The following EXOC5 variants were observed in gnomAD, a reference collection of about 807,000 sequenced individuals.
The protein encoded by EXOC5 is exocyst complex component 5.
In EXOC5, 17 loss-of-function variants were observed where a neutral mutation model predicts 90.8. The observed-to-expected ratio is 0.19, with a 90% CI of 0.13 to 0.28. The LOEUF (loss-of-function observed/expected upper bound fraction) is 0.28. Among genes scored for constraint, EXOC5 ranks in the 10% least tolerant of loss-of-function variants. The pLI is 1.00. For synonymous variants in EXOC5, 260 were observed against 270.0 expected (o/e 0.96, Z 0.36); for missense variants, 569 against 830.6 (o/e 0.69, Z 3.87).
At chr14:57,268,338 C>T in intron 1 of EXOC5, 3 of 737,306 alleles carry the variant, frequency 4.1e-6, no homozygotes, top group East Asian at 3.1e-5. Flanking sequence ...ACCTTCCAGA[C>T]TTTCCCTCTT....
At chr14:57,258,698 T>A (rs1470656444) in intron 1 of EXOC5, among the ~76,000 whole-genome samples, 1 of 152,206 alleles carries the variant, frequency 6.6e-6, no homozygotes, top group Non-Finnish European at 1.5e-5. Context: ...ATGGTATTTG[T>A]GGTCATTTCT....
At chr14:57,258,115 T>C (rs944041992) in intron 1 of EXOC5, among the ~76,000 whole-genome samples, 1 of 152,204 alleles carries the variant, frequency 6.6e-6, no homozygotes, top group African/African-American at 2.4e-5. Context: ...AATATGATGT[T>C]TGTCATTGTG....
At chr14:57,231,252 G>C (rs928431634) in intron 11 of EXOC5, among the ~76,000 whole-genome samples, 1 of 151,982 alleles carries the variant, frequency 6.6e-6, no homozygotes, top group East Asian at 1.9e-4. Context: ...CAGGTGATCA[G>C]CCCATCTCGG....
intron 15 of EXOC5, among the ~76,000 whole-genome samples, chr14:57,217,077 G>A (rs1474755719): frequency 6.6e-6 from 1 of 152,196 alleles, no homozygotes; most frequent in Non-Finnish European, 1.5e-5. Flanking sequence ...ACACCCGTTA[G>A]GATGGCTCTT....
intron 17 of EXOC5, 148 bp downstream of exon 17, chr14:57,209,419 T>A: frequency 2.4e-6 from 1 of 413,144 alleles, no homozygotes; most frequent in Non-Finnish European, 4.3e-6. Flanking sequence ...GGAACAACAC[T>A]GTTTCAGGTA....
At chr14:57,261,934 C>T (rs716690) in intron 1 of EXOC5, among the ~76,000 whole-genome samples, 39,267 of 152,160 alleles carry the variant, frequency 0.26, 12,608 homozygotes, top group African/African-American at 0.76. Flanking sequence ...GAAGTGAACA[C>T]AGAACCTACT....
intron 1 of EXOC5, among the ~76,000 whole-genome samples, chr14:57,261,934 C>A (rs716690): frequency 1.3e-5 from 2 of 152,066 alleles, no homozygotes; most frequent in Non-Finnish European, 2.9e-5. Flanking sequence ...GAAGTGAACA[C>A]AGAACCTACT....
chr14:57,235,628 G>A, intron 7 of EXOC5, 83 bp downstream of exon 7: 2 of 689,786 alleles, frequency 2.9e-6, no homozygotes, highest in Non-Finnish European at 5.1e-6. Context: ...TAATGAATGG[G>A]GGAAATCAGA....
At chr14:57,244,133 G>A in intron 4 of EXOC5, 32 bp downstream of exon 4, 1 of 1,469,468 alleles carries the variant, frequency 6.8e-7, no homozygotes, top group East Asian at 2.3e-5. Flanking sequence ...TATTAATGCT[G>A]TGATTTGGTT....
At chr14:57,229,483 A>G (rs1883411265) in intron 12 of EXOC5, among the ~76,000 whole-genome samples, 1 of 152,156 alleles carries the variant, frequency 6.6e-6, no homozygotes, top group Non-Finnish European at 1.5e-5. Context: ...CCTAAACACT[A>G]AAGTTACAAC....
At chr14:57,225,721 GAC>G (rs1415984743) in intron 12 of EXOC5, among the ~76,000 whole-genome samples, 1 of 152,160 alleles carries the variant, frequency 6.6e-6, no homozygotes, top group Non-Finnish European at 1.5e-5. Flanking sequence ...ACATTCCTAT[GAC>G]ACAGTCTCAG....
intron 12 of EXOC5, among the ~76,000 whole-genome samples, chr14:57,226,212 T>A (rs1296011012): frequency 6.6e-6 from 1 of 152,164 alleles, no homozygotes; most frequent in African/African-American, 2.4e-5. Context: ...GGAATTCCTA[T>A]CTTACTTAGG....
rs1195269263 is a variant in EXOC5 at position 57,201,476 on chromosome 14, ACAC to A, written c.*7130_*7132del. The A allele has an allele frequency of 7.4e-6, 1 of 135,286 alleles. No homozygotes were observed. The highest frequency in any genetic ancestry group is 1.5e-5 in the Non-Finnish European group (1 of 66,560). 8.4% of individuals were successfully genotyped at this position (135,286 alleles called of 1,614,324 possible). ...TATACACACGCGTGTATATGTACAC[ACAC>A]GTGTATAAACACACGTGTATATACA... On this transcript the variant is annotated 3_prime_UTR_variant, in exon 18 of 18. Coordinates refer to ENST00000621441, the MANE Select transcript of EXOC5 (RefSeq NM_006544.4).
At position 57,233,788 on chromosome 14, in the gene EXOC5, T is replaced by C; in HGVS notation, c.810A>G (p.Thr270=). 6.3e-7 allele frequency: 1 copy of C among 1,597,706 alleles called. No homozygotes were observed. Among genetic ancestry groups the C allele is most frequent in the Non-Finnish European group, 8.6e-7 (1 of 1,165,466 alleles). ...CATTTTGAATAAGTTTAGCCAGGAC[T>C]GTTTCTGGATTACTGAAGATATCTC... ...QVGDIFSNPE[T]VLAKLIQNVF... Residue 270 remains threonine (T), a synonymous_variant, in exon 9 of 18, where the codon ACA becomes ACG. Transcript: ENST00000621441.
chr14:57,225,589 C>CAA (rs34662135), intron 12 of EXOC5, among the ~76,000 whole-genome samples: 5 of 102,778 alleles, frequency 4.9e-5, no homozygotes, highest in Admixed American at 1.1e-4. Context: ...GTGGAATCTA[C>CAA]AAAAAAAAAA....
intron 1 of EXOC5, among the ~76,000 whole-genome samples, chr14:57,261,973 T>C (rs1421063249): frequency 6.6e-6 from 1 of 152,138 alleles, no homozygotes; most frequent in Admixed American, 6.5e-5. Flanking sequence ...AACATCACAA[T>C]GTAGGATGGC....
In EXOC5 at chr14:57,209,793, T is replaced by A. The variant is rs10143527; in HGVS notation, c.1723-11A>T. On this transcript the variant is annotated splice_polypyrimidine_tract_variant and intron_variant, in intron 16 of 17. Coordinates refer to ENST00000621441, the MANE Select transcript of EXOC5 (RefSeq NM_006544.4). ...GACTTTTACACAGGCCTATAAAAGT[T>A]TTTCTACACTCATTACACAGGAATG... 0.094 allele frequency: 147,335 copies of A among 1,563,438 alleles called. 22,820 individuals carry two copies. Among genetic ancestry groups the A allele is most frequent in the African/African-American group, 0.72 (53,087 of 73,844 alleles).
intron 15 of EXOC5, among the ~76,000 whole-genome samples, chr14:57,216,517 G>T (rs1882979723): frequency 6.6e-6 from 1 of 152,012 alleles, no homozygotes; most frequent in Admixed American, 6.6e-5. Context: ...TTTAACAAGG[G>T]TGCCAAGAAC....
intron 11 of EXOC5, 63 bp downstream of exon 11, chr14:57,231,443 C>T: frequency 9.0e-7 from 1 of 1,109,086 alleles, no homozygotes; most frequent in African/African-American, 1.6e-5. Context: ...GATAATTTGC[C>T]CAAATATAAT....
Sources: allele counts gnomAD v4.1 joint callset (sites outside exome capture counted in the v4.1 genomes callset), GRCh38; gene constraint gnomAD v4.1.1; transcripts MANE v1.5; gene names NCBI Gene and HGNC (gene_info 2026-07-23, HGNC 2026-07-21).